ANKRD28: variants seen among roughly 807,000 people sequenced by gnomAD.
ANKRD28 encodes the protein ankyrin repeat domain 28.
Under a neutral mutation model 126.5 loss-of-function variants are expected in ANKRD28, and 44 were observed. That is an observed-to-expected ratio of 0.35 (90% CI 0.27 to 0.45). ANKRD28 has a LOEUF of 0.45. Ranked by LOEUF, ANKRD28 falls within the 20% of genes least tolerant of loss-of-function variation. The pLI is 1.00. For missense variants in ANKRD28, 1,110 were observed against 1,316.6 expected (o/e 0.84, Z 2.43); for synonymous variants, 442 against 468.5 (o/e 0.94, Z 0.73).
chr3:15,704,342 G>A (rs1307291393), intron 14 of ANKRD28, among the ~76,000 whole-genome samples: 2 of 152,018 alleles, frequency 1.3e-5, no homozygotes, highest in Non-Finnish European at 2.9e-5. Flanking sequence ...TACTCAAAGT[G>A]AGGATGAAGG....
intron 4 of ANKRD28, among the ~76,000 whole-genome samples, chr3:15,740,967 G>A (rs1006417158): frequency 2.0e-5 from 3 of 152,124 alleles, no homozygotes; most frequent in African/African-American, 4.8e-5. Context: ...TTGGGAGGCC[G>A]AGGCAGGTGG....
At chr3:15,748,954 A>G (rs528943693) in intron 4 of ANKRD28, among the ~76,000 whole-genome samples, 1 of 152,040 alleles carries the variant, frequency 6.6e-6, no homozygotes, top group Admixed American at 6.6e-5. Context: ...TTCAAGCGCT[A>G]AAGTTCTTCT....
intron 3 of ANKRD28, among the ~76,000 whole-genome samples, chr3:15,760,572 G>GA (rs1215194124): frequency 6.6e-6 from 1 of 152,060 alleles, no homozygotes; most frequent in Non-Finnish European, 1.5e-5. Flanking sequence ...AATGCAGTTG[G>GA]AAAAAACCAT....
chr3:15,822,736 A>G (rs2060972742), intron 1 of ANKRD28, among the ~76,000 whole-genome samples: 1 of 152,188 alleles, frequency 6.6e-6, no homozygotes, highest in Non-Finnish European at 1.5e-5. Flanking sequence ...CATCTCACCA[A>G]TTAGAGAATA....
rs758132766 is a variant in ANKRD28, at chr3:15,849,986, C to T, written c.27+9391G>A. ...GTTGGAAGCGATCTCTGACTCTGTA[C>T]ACTACAAACCTACAGTTATCAAGAC... is the stretch of plus-strand genomic sequence containing the variant. On this transcript the variant is annotated intron_variant, in intron 1 of 27. Coordinates refer to the ANKRD28 transcript ENST00000399451. 6.1e-4 allele frequency among the ~76,000 whole-genome samples: 93 copies of T among 151,578 alleles called. 4 individuals carry two copies. The highest frequency in any genetic ancestry group is 1.2e-4 in the Non-Finnish European group (8 of 67,904).
intron 2 of ANKRD28, among the ~76,000 whole-genome samples, chr3:15,775,032 AC>A (rs1457853487): frequency 8.6e-6 from 1 of 115,792 alleles, no homozygotes; most frequent in Non-Finnish European, 1.7e-5. Context: ...GCCCACCACC[AC>A]GCCTGGCTAA....
intron 1 of ANKRD28, among the ~76,000 whole-genome samples, chr3:15,824,168 GT>G (rs2061007500): frequency 6.6e-6 from 1 of 152,174 alleles, no homozygotes; most frequent in African/African-American, 2.4e-5. Flanking sequence ...CCTAAAGAAT[GT>G]TTTGTTTTGT....
At chr3:15,795,346 A>G (rs761084157) in intron 1 of ANKRD28, 40 bp from the exon 2 acceptor site, 1 of 1,332,298 alleles carries the variant, frequency 7.5e-7, no homozygotes, top group Non-Finnish European at 1.1e-6. Flanking sequence ...AGAATCATCC[A>G]TGTGGGGTGA....
At chr3:15,770,571 A>G (rs1465298080) in intron 2 of ANKRD28, among the ~76,000 whole-genome samples, 1 of 152,220 alleles carries the variant, frequency 6.6e-6, no homozygotes, top group Non-Finnish European at 1.5e-5. Flanking sequence ...CTAGGTCGTA[A>G]GAACAATTGA....
At chr3:15,724,644 C>A in intron 6 of ANKRD28, 120 bp from the exon 7 acceptor site, 1 of 911,664 alleles carries the variant, frequency 1.1e-6, no homozygotes, top group South Asian at 1.9e-5. Flanking sequence ...GACAAGTCAT[C>A]AATGAATCAT....
chr3:15,723,078 C>T (rs181497859), intron 7 of ANKRD28, among the ~76,000 whole-genome samples: 3 of 151,594 alleles, frequency 2.0e-5, no homozygotes, highest in Admixed American at 2.0e-4. Context: ...TTAAAAATTG[C>T]ACCAGAATGG....
At chr3:15,826,289 C>T (rs75727719) in intron 1 of ANKRD28, among the ~76,000 whole-genome samples, 8,403 of 152,182 alleles carry the variant, frequency 0.055, 667 homozygotes, top group African/African-American at 0.18. Flanking sequence ...TTTTGTTACA[C>T]GCACAGATTG....
At chr3:15,745,926 T>C (rs542489588) in intron 4 of ANKRD28, among the ~76,000 whole-genome samples, 1 of 152,310 alleles carries the variant, frequency 6.6e-6, no homozygotes, top group Non-Finnish European at 1.5e-5. Context: ...TTTCACCTCC[T>C]TGGTTAGGTA....
Position 15,833,293 on chromosome 3 carries a change from T to C in ANKRD28, c.27+26084A>G, listed in dbSNP as rs1484616066. ...AGTAGGCAGAAAAACGTGAAAAGAC[T>C]AGACTGGTGTAGCCTCCCATCCTAC... On this transcript the variant is annotated intron_variant, in intron 1 of 27. Transcript: ENST00000399451. The surrounding 1 kb of genome is among the most constrained non-coding windows in gnomAD (Gnocchi z 4.4). 1.3e-5 allele frequency among the ~76,000 whole-genome samples: 2 copies of C among 152,060 alleles called. No individual in the cohort carries two copies. Among genetic ancestry groups the C allele is most frequent in the Non-Finnish European group, 1.5e-5 (1 of 68,006 alleles).
At chr3:15,788,718 A>G (rs1255037192) in intron 2 of ANKRD28, among the ~76,000 whole-genome samples, 1 of 152,156 alleles carries the variant, frequency 6.6e-6, no homozygotes, top group Non-Finnish European at 1.5e-5. Flanking sequence ...ACAACATGGC[A>G]TTAAGTTCTA....
At chr3:15,837,894 G>GAAAAAAAA (rs60317341) in intron 1 of ANKRD28, among the ~76,000 whole-genome samples, 2 of 94,204 alleles carry the variant, frequency 2.1e-5, no homozygotes, top group Admixed American at 1.1e-4. Context: ...AAGCTAACCA[G>GAAAAAAAA]AAAAAAAAAA....
In ANKRD28 at chr3:15,843,674, G is replaced by A. The variant is rs2061471037; in HGVS notation, c.27+15703C>T. Among the ~76,000 whole-genome samples, 1 of 150,422 alleles carries A rather than the reference G, an allele frequency of 6.6e-6. No homozygotes were observed. Among genetic ancestry groups the A allele is most frequent in the African/African-American group, 2.5e-5 (1 of 40,764 alleles). On this transcript the variant is annotated intron_variant, in intron 1 of 27. Transcript: ENST00000399451. This position sits in a 1 kb window ranked among gnomAD's most constrained non-coding sequence, Gnocchi z 5.2. Reference sequence around the variant, plus strand: ...AAAGGTATCAATAAGAAAGCAATGGGTAAAAAAAATGAATACAAATAAGAG... The same window carrying A: ...AAAGGTATCAATAAGAAAGCAATGGATAAAAAAAATGAATACAAATAAGAG...
At chr3:15,749,413 A>G (rs1171109532) in intron 4 of ANKRD28, among the ~76,000 whole-genome samples, 1 of 152,100 alleles carries the variant, frequency 6.6e-6, no homozygotes, top group African/African-American at 2.4e-5. Flanking sequence ...CGCCCGGCCT[A>G]TGTTTTTAAT....
intron 3 of ANKRD28, among the ~76,000 whole-genome samples, chr3:15,765,781 A>G (rs2058705573): frequency 6.6e-6 from 1 of 150,966 alleles, no homozygotes; most frequent in Admixed American, 6.6e-5. Flanking sequence ...TGGAGGTTGC[A>G]GTGAGCTGAG....
Sources: allele counts gnomAD v4.1 joint callset (sites outside exome capture counted in the v4.1 genomes callset), GRCh38; gene constraint gnomAD v4.1.1; non-coding constraint Gnocchi (gnomAD v3.1); transcripts MANE v1.5; gene names NCBI Gene and HGNC (gene_info 2026-07-23, HGNC 2026-07-21).